The following C12orf42 variants were observed in gnomAD, a reference collection of about 807,000 sequenced individuals.
The protein encoded by C12orf42 is chromosome 12 open reading frame 42, also known as uncharacterized protein C12orf42.
A neutral mutation model predicts 21.6 loss-of-function variants in C12orf42; 25 were observed. The ratio of observed to expected loss-of-function variants is 1.16; its 90% CI spans 0.84 to 1.62. C12orf42 has a LOEUF of 1.62. C12orf42 is among the 40% of genes most tolerant of loss of function. The pLI is 0.00. For synonymous variants in C12orf42, 174 were observed against 175.0 expected (o/e 0.99, Z 0.05); for missense variants, 483 against 459.3 (o/e 1.05, Z -0.47).
chr12:103,244,655 A>G (rs930080117), intron 10 of C12orf42, among the ~76,000 whole-genome samples: 3 of 152,120 alleles, frequency 2.0e-5, no homozygotes, highest in African/African-American at 7.2e-5. Context: ...TATACTATAA[A>G]TAACCACATA....
chr12:103,375,740 C>A (rs1444859599), intron 3 of C12orf42, among the ~76,000 whole-genome samples: 1 of 151,976 alleles, frequency 6.6e-6, no homozygotes, highest in Non-Finnish European at 1.5e-5. Context: ...TATTAACTAC[C>A]CTTTCTTCTG....
At chr12:103,309,814 G>T (rs1162996559) in intron 4 of C12orf42, among the ~76,000 whole-genome samples, 1 of 152,206 alleles carries the variant, frequency 6.6e-6, no homozygotes, top group African/African-American at 2.4e-5. Context: ...GGCAAAGAGG[G>T]CATTGGCCAT....
the C12orf42 span, among the ~76,000 whole-genome samples, chr12:103,160,033 G>A: frequency 1.1e-4 from 17 of 152,282 alleles, no homozygotes; most frequent in South Asian, 1.5e-3. Flanking sequence ...ATTCAATGGG[G>A]GTATTTAGCT....
intron 4 of C12orf42, among the ~76,000 whole-genome samples, chr12:103,345,683 G>C (rs1212973334): frequency 1.3e-5 from 2 of 151,858 alleles, no homozygotes; most frequent in Non-Finnish European, 2.9e-5. Context: ...TTCATGAAAG[G>C]AAAAATAAAT....
chr12:103,444,055 A>C (rs1295207438), intron 2 of C12orf42, among the ~76,000 whole-genome samples: 1 of 151,806 alleles, frequency 6.6e-6, no homozygotes, highest in Non-Finnish European at 1.5e-5. Context: ...CCAAAGTTTT[A>C]TTTTATTGTT....
chr12:103,076,323 T>A, the C12orf42 span, among the ~76,000 whole-genome samples: 2 of 151,484 alleles, frequency 1.3e-5, no homozygotes, highest in African/African-American at 4.9e-5. Flanking sequence ...AGGCCTTGTG[T>A]CAGAACGTTC....
chr12:103,238,317 G>C (rs759591939), intron 10 of C12orf42, among the ~76,000 whole-genome samples: 8 of 152,012 alleles, frequency 5.3e-5, no homozygotes, highest in Non-Finnish European at 1.2e-4. Flanking sequence ...GGCCAGCAGA[G>C]CCTAAAATAC....
chr12:103,286,455 TAA>T (rs755523608), intron 4 of C12orf42, among the ~76,000 whole-genome samples: 32 of 151,674 alleles, frequency 2.1e-4, no homozygotes, highest in South Asian at 4.1e-4. Flanking sequence ...TTACACCCAC[TAA>T]GTCTTTATTT....
At chr12:103,218,566 G>A in the C12orf42 span, among the ~76,000 whole-genome samples, 122 of 152,146 alleles carry the variant, frequency 8.0e-4, 1 homozygote, top group Non-Finnish European at 1.4e-3. Flanking sequence ...TCTTGCATCT[G>A]TCTTAGGTAA....
At chr12:103,116,629 C>G in the C12orf42 span, among the ~76,000 whole-genome samples, 1 of 152,106 alleles carries the variant, frequency 6.6e-6, no homozygotes, top group Non-Finnish European at 1.5e-5. Flanking sequence ...ACCAATTTAG[C>G]TAGTGAACAT....
the C12orf42 span, among the ~76,000 whole-genome samples, chr12:103,150,013 T>C: frequency 1.3e-5 from 2 of 152,194 alleles, no homozygotes; most frequent in Non-Finnish European, 2.9e-5. Flanking sequence ...TGATAGCTTA[T>C]TTTCCCACCC....
chr12:103,322,089 T>C (rs889521693), intron 4 of C12orf42, among the ~76,000 whole-genome samples: 1 of 150,738 alleles, frequency 6.6e-6, no homozygotes, highest in African/African-American at 2.4e-5. Context: ...TATTCTGTCT[T>C]CTCAGATGTG....
At chr12:103,071,165 C>T in the C12orf42 span, among the ~76,000 whole-genome samples, 1 of 152,120 alleles carries the variant, frequency 6.6e-6, no homozygotes, top group South Asian at 2.1e-4. Context: ...AGTTTCTACC[C>T]ATGTCATGGG....
intron 10 of C12orf42, among the ~76,000 whole-genome samples, chr12:103,248,561 T>A (rs1448990899): frequency 6.6e-6 from 1 of 150,434 alleles, no homozygotes; most frequent in Non-Finnish European, 1.5e-5. Flanking sequence ...TATACATATA[T>A]TACATGTATA....
chr12:103,439,644 A>G (rs1053682512), intron 2 of C12orf42, among the ~76,000 whole-genome samples: 1 of 150,794 alleles, frequency 6.6e-6, no homozygotes, highest in South Asian at 2.1e-4. Context: ...GCAGCCAAAA[A>G]ACACATGAAA....
chr12:103,463,342 C>T (rs945192469), intron 2 of C12orf42, among the ~76,000 whole-genome samples: 4 of 151,970 alleles, frequency 2.6e-5, no homozygotes, highest in Non-Finnish European at 4.4e-5. Flanking sequence ...GACTCAAATA[C>T]CAATTATTTA....
At chr12:103,411,033 C>CG (rs1393802669) in intron 2 of C12orf42, among the ~76,000 whole-genome samples, 1 of 151,974 alleles carries the variant, frequency 6.6e-6, no homozygotes, top group East Asian at 1.9e-4. Context: ...CAAATATACC[C>CG]CAATAACTTT....
At chr12:103,063,906 G>A in the C12orf42 span, among the ~76,000 whole-genome samples, 1 of 152,154 alleles carries the variant, frequency 6.6e-6, no homozygotes, top group Non-Finnish European at 1.5e-5. Flanking sequence ...GTTAATTTGG[G>A]TCCACTAAGT....
chr12:103,117,034 G>A, the C12orf42 span, among the ~76,000 whole-genome samples: 50 of 152,142 alleles, frequency 3.3e-4, no homozygotes, highest in Non-Finnish European at 6.5e-4. Context: ...TCATTTCTTT[G>A]TGTTGGGAAC....
Sources: allele counts gnomAD v4.1 joint callset (sites outside exome capture counted in the v4.1 genomes callset), GRCh38; gene constraint gnomAD v4.1.1; transcripts MANE v1.5; gene names NCBI Gene and HGNC (gene_info 2026-07-23, HGNC 2026-07-21).